The following TASP1 variants were observed in gnomAD, a reference collection of about 807,000 sequenced individuals.
TASP1 encodes the protein threonine aspartase 1.
TASP1 carries 16 observed loss-of-function variants against 56.6 expected under a neutral mutation model. That is an observed-to-expected ratio of 0.28 (90% CI 0.19 to 0.43). The LOEUF is 0.43. Ranked by LOEUF, TASP1 falls within the 20% of genes least tolerant of loss-of-function variation. TASP1 has a pLI of 1.00. For missense variants in TASP1, 393 were observed against 511.6 expected, an observed-to-expected ratio of 0.77 and a Z score of 2.24; for synonymous variants, 179 against 184.2, an observed-to-expected ratio of 0.97 and a Z score of 0.23.
intron 10 of TASP1, among the ~76,000 whole-genome samples, chr20:13,493,289 T>C (rs1424783389): frequency 6.6e-6 from 1 of 152,172 alleles, no homozygotes; most frequent in East Asian, 1.9e-4. Flanking sequence ...TCTGGGTGTG[T>C]CTGTGAGGGT....
At chr20:13,275,946 C>A in the TASP1 span, among the ~76,000 whole-genome samples, 1 of 152,174 alleles carries the variant, frequency 6.6e-6, no homozygotes, top group Non-Finnish European at 1.5e-5. Context: ...GACAGTAATG[C>A]CTAGATTGGC....
the TASP1 span, among the ~76,000 whole-genome samples, chr20:13,312,779 C>T: frequency 6.6e-6 from 1 of 152,198 alleles, no homozygotes; most frequent in South Asian, 2.1e-4. Flanking sequence ...ACAATTTTTA[C>T]AAATGAGGAC....
chr20:13,176,901 C>G, the TASP1 span, among the ~76,000 whole-genome samples: 1 of 152,052 alleles, frequency 6.6e-6, no homozygotes, highest in African/African-American at 2.4e-5. Flanking sequence ...ATAAGTTTAA[C>G]CAAGGAGGTA....
At chr20:13,220,704 G>C in the TASP1 span, among the ~76,000 whole-genome samples, 2 of 152,356 alleles carry the variant, frequency 1.3e-5, no homozygotes, top group South Asian at 4.1e-4. Context: ...CCGGCTAGCG[G>C]GCGGCCCAGC....
At chr20:13,496,534 G>T (rs927578991) in intron 10 of TASP1, among the ~76,000 whole-genome samples, 5 of 151,280 alleles carry the variant, frequency 3.3e-5, no homozygotes, top group Non-Finnish European at 7.4e-5. Context: ...GGCTGGTTCT[G>T]GGTCTCTGGG....
At chr20:13,600,230 G>A (rs959278191) in intron 4 of TASP1, among the ~76,000 whole-genome samples, 1 of 152,090 alleles carries the variant, frequency 6.6e-6, no homozygotes, top group Non-Finnish European at 1.5e-5. Flanking sequence ...ATAAATTCCG[G>A]CAGTCTTTCT....
the TASP1 span, among the ~76,000 whole-genome samples, chr20:13,331,137 G>A: frequency 1.3e-5 from 2 of 152,014 alleles, no homozygotes; most frequent in Non-Finnish European, 2.9e-5. Context: ...AGCATTTAAT[G>A]CTCTAAATTT....
downstream of TASP1, among the ~76,000 whole-genome samples, chr20:13,385,516 G>A (rs1373493175): frequency 9.2e-5 from 14 of 152,228 alleles, no homozygotes; most frequent in Admixed American, 9.2e-4. Flanking sequence ...AGGGGCATAA[G>A]CAGACTGGTG....
At chr20:13,460,796 C>T (rs565334134) in intron 11 of TASP1, among the ~76,000 whole-genome samples, 11 of 152,200 alleles carry the variant, frequency 7.2e-5, no homozygotes, top group African/African-American at 2.4e-4. Context: ...CCTCCATTAC[C>T]CTGGTCCAAG....
At chr20:13,293,489 T>C in the TASP1 span, among the ~76,000 whole-genome samples, 4 of 151,950 alleles carry the variant, frequency 2.6e-5, no homozygotes, top group African/African-American at 9.7e-5. Context: ...AGTCAAAATT[T>C]AGCAGTCCTG....
intron 11 of TASP1, among the ~76,000 whole-genome samples, chr20:13,442,222 A>G (rs1016028010): frequency 1.7e-4 from 26 of 152,012 alleles, no homozygotes; most frequent in Non-Finnish European, 7.4e-5. Flanking sequence ...ATTTACCTTT[A>G]AAGCCCCCTA....
At chr20:13,615,754 C>T (rs1214802986) in intron 4 of TASP1, among the ~76,000 whole-genome samples, 2 of 152,016 alleles carry the variant, frequency 1.3e-5, no homozygotes, top group Admixed American at 6.6e-5. Flanking sequence ...CCGCCCGTCT[C>T]GGCCTCCCAA....
intron 5 of TASP1, among the ~76,000 whole-genome samples, chr20:13,581,503 G>A (rs1012910323): frequency 2.6e-5 from 4 of 152,160 alleles, no homozygotes; most frequent in Non-Finnish European, 5.9e-5. Flanking sequence ...GAGACAGAAC[G>A]GGGAAATGTC....
chr20:13,493,363 G>T (rs2043607564), intron 10 of TASP1, among the ~76,000 whole-genome samples: 1 of 152,130 alleles, frequency 6.6e-6, no homozygotes, highest in African/African-American at 2.4e-5. Flanking sequence ...CCTCAATGTG[G>T]GTAGGTGCTA....
intron 11 of TASP1, among the ~76,000 whole-genome samples, chr20:13,477,894 C>T (rs748715818): frequency 2.0e-5 from 3 of 152,076 alleles, no homozygotes; most frequent in Non-Finnish European, 4.4e-5. Context: ...AAACCAAAGC[C>T]CTGATCTTGG....
chr20:13,423,571 C>T (rs1259980244), intron 12 of TASP1, among the ~76,000 whole-genome samples: 1 of 152,072 alleles, frequency 6.6e-6, no homozygotes, highest in African/African-American at 2.4e-5. Flanking sequence ...TATGGTTCTG[C>T]CATTTTTGTG....
the TASP1 span, chr20:13,160,210 G>A: frequency 3.4e-6 from 5 of 1,471,126 alleles, no homozygotes; most frequent in Non-Finnish European, 4.5e-6. Context: ...GAGACAGCTT[G>A]GGGTTCTCTG....
chr20:13,541,365 C>A (rs778432450), intron 8 of TASP1, among the ~76,000 whole-genome samples: 1 of 152,002 alleles, frequency 6.6e-6, no homozygotes, highest in Admixed American at 6.6e-5. Flanking sequence ...CTTTTAGGAA[C>A]AAAATTAAAG....
Position 13,571,451 on chromosome 20 carries a change from C to T in TASP1, c.489-1865G>A, listed in dbSNP as rs548266566. ...GGAGGAAACTTTTAGAAAAGGTTCA[C>T]GCCAATCTACTTCAAAGTCCCATTG... is the stretch of plus-strand genomic sequence containing the variant. On this transcript the variant is annotated intron_variant, in intron 6 of 13. Coordinates refer to ENST00000337743, the MANE Select transcript of TASP1 (RefSeq NM_017714.3). Among the ~76,000 whole-genome samples the T allele has an allele frequency of 7.2e-5, 11 of 152,290 alleles. No individual in the cohort carries two copies. The South Asian group carries it at 8.3e-4, about 11-fold the overall frequency.
Sources: gnomAD v4.1 joint callset for allele counts (sites outside exome capture counted in the v4.1 genomes callset) on GRCh38, gnomAD v4.1.1 for gene constraint, MANE v1.5 for transcripts, NCBI Gene and HGNC (gene_info 2026-07-23, HGNC 2026-07-21) for gene names.